GALNT18: variants seen among roughly 807,000 people sequenced by gnomAD.
GALNT18 encodes GalNAc-transferase 18.
A neutral mutation model predicts 69.5 loss-of-function variants in GALNT18; 44 were observed. That is an observed-to-expected ratio of 0.63 (90% CI 0.50 to 0.81). The LOEUF (loss-of-function observed/expected upper bound fraction) is 0.81, where lower values mean the gene tolerates loss of function less well. Ranked by LOEUF, GALNT18 falls within the 40% of genes least tolerant of loss-of-function variation. The pLI is 0.00. For synonymous variants in GALNT18, 364 were observed against 318.2 expected, an observed-to-expected ratio of 1.14 and a Z score of -1.53; for missense variants, 715 against 810.0, an observed-to-expected ratio of 0.88 and a Z score of 1.42.
rs1023441039 is a variant in GALNT18 at position 11,411,462 on chromosome 11, A to G, written c.595+21159T>C. On this transcript the variant is annotated intron_variant, in intron 3 of 10. Transcript: ENST00000227756. ...TTTAGGCTCCCACAGAATCTAGTAC[A>G]GCTCTGGGCTCCACGGGAGCTCAAT... is the stretch of plus-strand genomic sequence containing the variant. Among the ~76,000 whole-genome samples, 113 of 152,308 alleles carry G rather than the reference A, an allele frequency of 7.4e-4. 1 individual carries two copies. Among genetic ancestry groups the G allele is most frequent in the African/African-American group, 2.7e-3 (112 of 41,560 alleles).
chr11:11,351,183 C>T (rs1850393821), intron 6 of GALNT18, among the ~76,000 whole-genome samples: 1 of 152,148 alleles, frequency 6.6e-6, no homozygotes, highest in South Asian at 2.1e-4. Context: ...GCAGATCTAG[C>T]CCCAAGGGGT....
intron 1 of GALNT18, among the ~76,000 whole-genome samples, chr11:11,477,620 A>T (rs1194003780): frequency 6.6e-6 from 1 of 152,148 alleles, no homozygotes; most frequent in Non-Finnish European, 1.5e-5. Context: ...TGGACTACAG[A>T]TCCTCTAGTA....
chr11:11,509,230 T>A (rs539616607), intron 1 of GALNT18, among the ~76,000 whole-genome samples: 2 of 152,326 alleles, frequency 1.3e-5, no homozygotes, highest in Admixed American at 1.3e-4. Context: ...GGTATCTAAA[T>A]GGCACACTGA....
chr11:11,300,129 C>T (rs1181080951), intron 9 of GALNT18, among the ~76,000 whole-genome samples: 3 of 152,212 alleles, frequency 2.0e-5, no homozygotes, highest in Admixed American at 6.5e-5. Context: ...AACTGGAGTA[C>T]GAGTTCTCTT....
chr11:11,515,926 G>A (rs371713330), intron 1 of GALNT18, among the ~76,000 whole-genome samples: 1 of 152,352 alleles, frequency 6.6e-6, no homozygotes, highest in East Asian at 1.9e-4. Context: ...ACTCAGCAAG[G>A]AGCCCATGCA....
At position 11,600,909 on chromosome 11, in the gene GALNT18, C is replaced by T. The variant is rs539587940; in HGVS notation, c.235+20450G>A. 6.6e-6 allele frequency among the ~76,000 whole-genome samples: 1 copy of T among 152,216 alleles called. No homozygotes were observed. The highest frequency in any genetic ancestry group is 6.5e-5 in the Admixed American group (1 of 15,284). ...TTGCTGATACTTTCTTCTGCCAACT[C>T]AAATATATTTTTAAGTGCCCCAGTG... On this transcript the variant is annotated intron_variant, in intron 1 of 10. Coordinates refer to ENST00000227756, the MANE Select transcript of GALNT18 (RefSeq NM_198516.3). This position sits in a 1 kb window ranked among gnomAD's most constrained non-coding sequence, Gnocchi z 4.8.
intron 3 of GALNT18, among the ~76,000 whole-genome samples, chr11:11,410,003 G>A (rs1386360669): frequency 6.6e-6 from 1 of 152,184 alleles, no homozygotes; most frequent in Non-Finnish European, 1.5e-5. Flanking sequence ...AGCACTATCA[G>A]CCAAGACAAC....
In GALNT18 at chr11:11,274,449, A is replaced by C. The variant is rs138381619; in HGVS notation, c.1678-3159T>G. On this transcript the variant is annotated intron_variant, in intron 10 of 10. Transcript: ENST00000227756. Reference sequence around the variant, plus strand: ...GCAAGCGAAAATCCACTGGCTTGAAATTCTCGCTGCTAGGACAGCAGTCTG... The same window carrying C: ...GCAAGCGAAAATCCACTGGCTTGAACTTCTCGCTGCTAGGACAGCAGTCTG... Among the ~76,000 whole-genome samples, 362 of 152,270 alleles carry C rather than the reference A, an allele frequency of 2.4e-3. 1 individual carries two copies. The highest frequency in any genetic ancestry group is 8.2e-3 in the African/African-American group (339 of 41,552).
At chr11:11,448,624 G>T in intron 2 of GALNT18, 120 bp downstream of exon 2, 1 of 735,454 alleles carries the variant, frequency 1.4e-6, no homozygotes, top group Non-Finnish European at 2.1e-6. Context: ...ACAGGCCCTG[G>T]CTGAAGCAGG....
At chr11:11,580,368 C>T (rs941988921) in intron 1 of GALNT18, among the ~76,000 whole-genome samples, 9 of 152,198 alleles carry the variant, frequency 5.9e-5, no homozygotes, top group Admixed American at 2.0e-4. Flanking sequence ...ATCAAATTTG[C>T]TTTCCTAAGA....
At chr11:11,593,451 T>C (rs1859410950) in intron 1 of GALNT18, among the ~76,000 whole-genome samples, 1 of 152,214 alleles carries the variant, frequency 6.6e-6, no homozygotes, top group Non-Finnish European at 1.5e-5. Context: ...CTATGAAGCT[T>C]GGCCTTCCTT....
chr11:11,365,119 G>T (rs1843785), intron 6 of GALNT18, among the ~76,000 whole-genome samples: 96,733 of 151,870 alleles, frequency 0.64, 31,051 homozygotes, highest in Middle Eastern at 0.78. Flanking sequence ...CTGCACCTAT[G>T]GACCCATCCT....
At chr11:11,271,372 TGAGG>T in intron 10 of GALNT18, 82 bp from the exon 11 acceptor site, 1 of 1,439,168 alleles carries the variant, frequency 6.9e-7, no homozygotes, top group Non-Finnish European at 9.7e-7. Flanking sequence ...AAGTGGCTGG[TGAGG>T]GCTGACATTA....
chr11:11,514,690 C>T (rs1018942778), intron 1 of GALNT18, among the ~76,000 whole-genome samples: 2 of 152,198 alleles, frequency 1.3e-5, no homozygotes, highest in South Asian at 4.1e-4. Context: ...CCTGTGCTCC[C>T]AGCTGCTTCC....
intron 3 of GALNT18, among the ~76,000 whole-genome samples, chr11:11,428,795 G>C (rs1223126643): frequency 2.6e-5 from 4 of 152,156 alleles, no homozygotes; most frequent in Non-Finnish European, 5.9e-5. Flanking sequence ...AAATACAATA[G>C]AATTGAATTG....
intron 8 of GALNT18, among the ~76,000 whole-genome samples, chr11:11,331,569 G>A (rs943357099): frequency 1.3e-5 from 2 of 152,164 alleles, no homozygotes; most frequent in Non-Finnish European, 2.9e-5. Context: ...ATCAAAAGAA[G>A]AGACTTCAGT....
chr11:11,407,546 C>T (rs11021835), intron 3 of GALNT18, among the ~76,000 whole-genome samples: 71,465 of 152,034 alleles, frequency 0.47, 18,399 homozygotes, highest in East Asian at 0.83. Flanking sequence ...TATTCAGAAA[C>T]AGCACTGCGG....
At chr11:11,352,502 A>G (rs752966428) in intron 6 of GALNT18, 2 of 1,614,170 alleles carry the variant, frequency 1.2e-6, no homozygotes, top group Admixed American at 1.7e-5. Flanking sequence ...CGTACATCTG[A>G]TAGTCTACAA....
rs942406073 is a variant in GALNT18, at chr11:11,606,632, G to A, written c.235+14727C>T. Among the ~76,000 whole-genome samples the A allele has an allele frequency of 1.3e-5, 2 of 152,144 alleles. No individual in the cohort carries two copies. Among genetic ancestry groups the A allele is most frequent in the Middle Eastern group, 3.2e-3 (1 of 316 alleles). On this transcript the variant is annotated intron_variant, in intron 1 of 10. Transcript: ENST00000227756. The surrounding 1 kb of genome is among the most constrained non-coding windows in gnomAD (Gnocchi z 5.4). ...GGCTCTGGTCAGCAGGCCAGGGAGA[G>A]GAGATCCCATCCAAGGGAGACCCTG... is the stretch of plus-strand genomic sequence containing the variant.
Sources: allele counts gnomAD v4.1 joint callset (sites outside exome capture counted in the v4.1 genomes callset), GRCh38; gene constraint gnomAD v4.1.1; non-coding constraint Gnocchi (gnomAD v3.1); transcripts MANE v1.5; gene names NCBI Gene and HGNC (gene_info 2026-07-23, HGNC 2026-07-21).